SSPN: variants seen among roughly 807,000 people sequenced by gnomAD.
The protein encoded by SSPN is K-ras oncogene-associated protein.
In SSPN, 15 loss-of-function variants were observed where a neutral mutation model predicts 19.1. That is an observed-to-expected ratio of 0.78 (90% CI 0.52 to 1.21). The LOEUF is 1.21. Ranked by LOEUF, SSPN falls within the 50% of genes most tolerant of loss-of-function variation. The pLI, the probability that SSPN is intolerant of heterozygous loss-of-function variation, is 0.00. For synonymous variants in SSPN, 147 were observed against 140.3 expected, an observed-to-expected ratio of 1.05 and a Z score of -0.34; for missense variants, 291 against 314.0, an observed-to-expected ratio of 0.93 and a Z score of 0.55.
intron 1 of SSPN, among the ~76,000 whole-genome samples, chr12:26,184,777 G>C (rs556130872): frequency 2.0e-5 from 3 of 152,148 alleles, no homozygotes; most frequent in Non-Finnish European, 4.4e-5. Context: ...CTCTCATAGA[G>C]AGGAAGGGAG....
intron 1 of SSPN, chr12:26,125,766 G>T (rs1215195447): frequency 6.6e-6 from 1 of 151,968 alleles, no homozygotes; most frequent in Non-Finnish European, 1.5e-5. Context: ...GAGGAACGCG[G>T]CGGGGAGCGA....
At chr12:26,200,628 G>T (rs1193243923) in intron 1 of SSPN, among the ~76,000 whole-genome samples, 1 of 152,118 alleles carries the variant, frequency 6.6e-6, no homozygotes, top group Admixed American at 6.5e-5. Flanking sequence ...TGGCATTAGG[G>T]TATAGGATAA....
At chr12:26,194,468 C>A (rs574661067), upstream of SSPN, among the ~76,000 whole-genome samples, 83 of 152,344 alleles carry the variant, frequency 5.4e-4, no homozygotes, top group Non-Finnish European at 9.8e-4. Flanking sequence ...TCACTACAAC[C>A]TCTGCCTCCC....
chr12:26,230,971 C>T lies in SSPN; in HGVS notation c.627C>T (p.Cys209=). ...MILNLVCGLV[C]LLACFVMWKH... ...TTAATTTGGTCTGCGGCCTTGTGTG[C>T]TTGTTGGCCTGCTTTGTGATGTGGA... is the stretch of plus-strand genomic sequence containing the variant. Residue 209 remains cysteine (C), a synonymous_variant, in exon 3 of 3, where the codon TGC becomes TGT. Coordinates refer to ENST00000242729, the MANE Select transcript of SSPN (RefSeq NM_005086.5). 6.2e-7 allele frequency: 1 copy of T among 1,614,144 alleles called. No homozygotes were observed. Among genetic ancestry groups the T allele is most frequent in the Non-Finnish European group, 8.5e-7 (1 of 1,180,014 alleles).
chr12:26,160,729 C>A (rs1224603291), intron 1 of SSPN, among the ~76,000 whole-genome samples: 1 of 152,126 alleles, frequency 6.6e-6, no homozygotes, highest in East Asian at 1.9e-4. Context: ...CCACTATTAT[C>A]TTTCATCTTA....
chr12:26,193,341 A>G (rs1944800503), upstream of SSPN, among the ~76,000 whole-genome samples: 1 of 152,204 alleles, frequency 6.6e-6, no homozygotes, highest in African/African-American at 2.4e-5. Flanking sequence ...ACTTTAATCC[A>G]ATTACTTAAT....
At chr12:26,174,740 C>T (rs1218843330) in intron 1 of SSPN, among the ~76,000 whole-genome samples, 3 of 152,060 alleles carry the variant, frequency 2.0e-5, no homozygotes, top group South Asian at 2.1e-4. Context: ...AGGCTGGTTT[C>T]GAACTCCTGA....
chr12:26,233,773 T>C lies in SSPN; in HGVS notation c.*2697T>C, dbSNP rs1383640748. ...CCTCTTCCACCTCCTTCAGGAGAAT[T>C]AAATGAATCAAGACTTTGGAAAGAC... is the stretch of plus-strand genomic sequence containing the variant. On this transcript the variant is annotated 3_prime_UTR_variant, in exon 3 of 3. Coordinates refer to ENST00000242729, the MANE Select transcript of SSPN (RefSeq NM_005086.5). The surrounding 1 kb of genome is among the most constrained non-coding windows in gnomAD (Gnocchi z 4.3). 2 of 152,154 alleles carry C rather than the reference T, an allele frequency of 1.3e-5. No homozygotes were observed. The highest frequency in any genetic ancestry group is 4.8e-5 in the African/African-American group (2 of 41,420). The allele number at this position is 152,154 out of a possible 1,614,324, so 9.4% of individuals were successfully genotyped here. A position where few individuals can be genotyped will look rare whatever the true frequency, so the allele number is the denominator to read the frequency against.
intron 1 of SSPN, among the ~76,000 whole-genome samples, chr12:26,141,741 A>T (rs1944461530): frequency 6.6e-6 from 1 of 152,252 alleles, no homozygotes; most frequent in African/African-American, 2.4e-5. Flanking sequence ...TATGAACTTC[A>T]GGAAGTCAGG....
chr12:26,125,109 G>A, intron 1 of SSPN: 1 of 412,078 alleles, frequency 2.4e-6, no homozygotes, highest in South Asian at 2.2e-5. Context: ...CCGCGGTCCA[G>A]CCCGGAGGGG....
rs181377121 is a variant in SSPN, at chr12:26,203,143, C to T, written c.279+7192C>T. Among the ~76,000 whole-genome samples, 426 of 152,280 alleles carry T rather than the reference C, an allele frequency of 2.8e-3. 2 individuals carry two copies. The highest frequency in any genetic ancestry group is 9.6e-3 in the African/African-American group (400 of 41,558). On this transcript the variant is annotated intron_variant, in intron 1 of 2. Coordinates refer to ENST00000242729, the MANE Select transcript of SSPN (RefSeq NM_005086.5). Reference sequence around the variant, plus strand: ...AAACCACCTTCCACCAGGTTTCCCCCTCAACACATGGGGATTACAATTCAA... The same window carrying T: ...AAACCACCTTCCACCAGGTTTCCCCTTCAACACATGGGGATTACAATTCAA...
intron 2 of SSPN, among the ~76,000 whole-genome samples, chr12:26,228,634 G>A (rs1366972680): frequency 6.8e-6 from 1 of 147,074 alleles, no homozygotes; most frequent in Non-Finnish European, 1.5e-5. Context: ...GGCTGTACTG[G>A]GAATACAGCT....
chr12:26,175,857 G>A (rs1424103133), intron 1 of SSPN, among the ~76,000 whole-genome samples: 1 of 144,596 alleles, frequency 6.9e-6, no homozygotes, highest in African/African-American at 2.6e-5. Context: ...TTTTTTTTGA[G>A]ACAAAGTTTT....
intron 1 of SSPN, among the ~76,000 whole-genome samples, chr12:26,201,049 T>TATA (rs1944880270): frequency 6.3e-5 from 2 of 31,962 alleles, no homozygotes; most frequent in African/African-American, 2.3e-4. Flanking sequence ...ATATATATTA[T>TATA]ATATATATAT....
chr12:26,124,911 C>T, intron 1 of SSPN: 2 of 931,630 alleles, frequency 2.1e-6, no homozygotes, highest in Non-Finnish European at 3.5e-6. Context: ...CTCTTCAGTG[C>T]AGTGTTGAAA....
Position 26,171,946 on chromosome 12 carries a change from G to A in SSPN, c.-31+49794G>A, listed in dbSNP as rs148085647. ...GATGTAGGGGAAGCCATCTAAACAT[G>A]CCAACCTTAATTTTCTCACTGATAG... On this transcript the variant is annotated intron_variant, in intron 1 of 2. Transcript: ENST00000538142. Among the ~76,000 whole-genome samples the A allele has an allele frequency of 5.9e-3, 894 of 152,252 alleles. 8 individuals carry two copies. The highest frequency in any genetic ancestry group is 0.021 in the African/African-American group (863 of 41,550).
intron 1 of SSPN, among the ~76,000 whole-genome samples, chr12:26,210,001 A>C (rs1372990643): frequency 1.3e-5 from 2 of 152,084 alleles, no homozygotes; most frequent in Admixed American, 6.6e-5. Context: ...CATATGTCCC[A>C]GTGATGTTAC....
In SSPN at chr12:26,140,597, C is replaced by T. The variant is rs1008001285; in HGVS notation, c.-31+18445C>T. ...GGATCACGAGGGTGGATTTTCCCCTCGCTGTTTTCATGATATTGGGTGAGT... is the reference window on the plus strand; with the variant it reads ...GGATCACGAGGGTGGATTTTCCCCTTGCTGTTTTCATGATATTGGGTGAGT... On this transcript the variant is annotated intron_variant, in intron 1 of 2. Transcript: ENST00000538142. Among the ~76,000 whole-genome samples the T allele has an allele frequency of 8.5e-5, 13 of 152,264 alleles. 1 individual carries two copies. Among genetic ancestry groups the T allele is most frequent in the African/African-American group, 2.9e-4 (12 of 41,548 alleles).
intron 1 of SSPN, among the ~76,000 whole-genome samples, chr12:26,157,330 AT>A (rs575102831): frequency 1.2e-4 from 19 of 152,342 alleles, no homozygotes; most frequent in African/African-American, 4.6e-4. Context: ...TTGATGGCTA[AT>A]TCTATACCAT....
Sources: allele counts gnomAD v4.1 joint callset (sites outside exome capture counted in the v4.1 genomes callset), GRCh38; gene constraint gnomAD v4.1.1; non-coding constraint Gnocchi (gnomAD v3.1); transcripts MANE v1.5; gene names NCBI Gene and HGNC (gene_info 2026-07-23, HGNC 2026-07-21).